Variants in AP3B1 observed in about 807,000 individuals in gnomAD.
AP3B1 encodes the protein AP-3 complex subunit beta-1.
A neutral mutation model predicts 132.5 loss-of-function variants in AP3B1; 61 were observed. That is an observed-to-expected ratio of 0.46 (90% CI 0.37 to 0.57). AP3B1 has a LOEUF of 0.57. Ranked by LOEUF, AP3B1 falls within the 20% of genes least tolerant of loss-of-function variation. AP3B1 has a pLI of 0.00. For missense variants in AP3B1, 1,120 were observed against 1,289.4 expected (o/e 0.87, Z 2.01); for synonymous variants, 388 against 438.3 (o/e 0.89, Z 1.43).
At chr5:78,246,734 G>A (rs142217928) in intron 2 of AP3B1, among the ~76,000 whole-genome samples, 2 of 152,112 alleles carry the variant, frequency 1.3e-5, no homozygotes, top group Admixed American at 6.5e-5. Flanking sequence ...TCTGTCTACA[G>A]GTTTATCAAT....
At chr5:78,186,746 A>C (rs1744622466) in intron 7 of AP3B1, among the ~76,000 whole-genome samples, 1 of 152,250 alleles carries the variant, frequency 6.6e-6, no homozygotes, top group South Asian at 2.1e-4. Flanking sequence ...ATTGTTATAC[A>C]TAACAATAAA....
At chr5:78,242,374 C>G (rs375198383) in intron 2 of AP3B1, among the ~76,000 whole-genome samples, 6 of 151,952 alleles carry the variant, frequency 3.9e-5, no homozygotes, top group East Asian at 3.9e-4. Flanking sequence ...TCTCCTAACA[C>G]CTGGGCCACT....
In AP3B1 at chr5:78,291,732, T is replaced by C. The variant is rs958221408; in HGVS notation, c.128+2720A>G. Among the ~76,000 whole-genome samples, 8 of 152,156 alleles carry C rather than the reference T, an allele frequency of 5.3e-5. No individual in the cohort carries two copies. The East Asian group carries it at 7.7e-4, about 15-fold the overall frequency. On this transcript the variant is annotated intron_variant, in intron 1 of 26. Coordinates refer to ENST00000255194, the MANE Select transcript of AP3B1 (RefSeq NM_003664.5). The stretch of plus-strand genomic sequence containing the variant: ...CAGATTAAAGAAGATTAAAGAGACA[T>C]GGCAACTAAATTAAATATATTATCT...
At position 78,141,303 on chromosome 5, in the gene AP3B1, G is replaced by C; in HGVS notation, c.1490C>G (p.Ala497Gly). The C allele has an allele frequency of 2.5e-6, 4 of 1,613,400 alleles. No individual in the cohort carries two copies. The highest frequency in any genetic ancestry group is 3.4e-6 in the Non-Finnish European group (4 of 1,179,594). ...LDSITVPVAR[A>G]SILWLIGENC... ...TTCTCCAATTAGCCAAAGAATACTTGCTCTAGCAACAGGAACCTAATATGA... is the reference window on the plus strand; with the variant it reads ...TTCTCCAATTAGCCAAAGAATACTTCCTCTAGCAACAGGAACCTAATATGA... The change falls in exon 15 of 27, where the codon GCA becomes GGA. Residue 497 changes from alanine (A) to glycine (G), a missense_variant. This residue lies in a region of AP3B1 where 906 missense variants were observed against 997.1 expected (regional missense o/e 0.91). Coordinates refer to ENST00000255194, the MANE Select transcript of AP3B1 (RefSeq NM_003664.5).
chr5:78,039,314 A>T (rs1747950564), intron 22 of AP3B1, 40 bp from the exon 23 acceptor site: 1 of 1,458,406 alleles, frequency 6.9e-7, no homozygotes, highest in Admixed American at 1.7e-5. Flanking sequence ...TGAGTTAGTG[A>T]ATATAATTAT....
At chr5:78,241,539 T>C (rs1747141338) in intron 2 of AP3B1, among the ~76,000 whole-genome samples, 1 of 152,220 alleles carries the variant, frequency 6.6e-6, no homozygotes, top group Admixed American at 6.5e-5. Flanking sequence ...AACCAACTAA[T>C]TATGTGAACC....
intron 7 of AP3B1, among the ~76,000 whole-genome samples, chr5:78,214,433 T>C (rs1210225057): frequency 1.3e-5 from 2 of 152,196 alleles, no homozygotes; most frequent in Admixed American, 6.5e-5. Flanking sequence ...ACGGGTTACA[T>C]ATTTTTAGCA....
chr5:78,058,903 G>A (rs1748928758), intron 22 of AP3B1, among the ~76,000 whole-genome samples: 1 of 152,202 alleles, frequency 6.6e-6, no homozygotes, highest in Admixed American at 6.5e-5. Flanking sequence ...AATTTGATAG[G>A]GTTGGGGTGA....
chr5:78,048,929 T>C (rs2112120311), intron 22 of AP3B1, among the ~76,000 whole-genome samples: 1 of 152,292 alleles, frequency 6.6e-6, no homozygotes, highest in South Asian at 2.1e-4. Context: ...CTTCCCCCAC[T>C]TTCTCTAAAG....
chr5:78,185,308 A>G (rs1744558100), intron 7 of AP3B1, among the ~76,000 whole-genome samples: 1 of 152,232 alleles, frequency 6.6e-6, no homozygotes, highest in Non-Finnish European at 1.5e-5. Context: ...ATATGAGTAC[A>G]TATAATAGTT....
Position 78,141,337 on chromosome 5 carries a change from T to C in AP3B1, c.1474-18A>G. The stretch of plus-strand genomic sequence containing the variant: ...ACAGGAACCTAATATGAGAAGCAGA[T>C]TACATAGTTAGAAGTAAGTTAATCA... On this transcript the variant is annotated intron_variant, in intron 14 of 26. Coordinates refer to ENST00000255194, the MANE Select transcript of AP3B1 (RefSeq NM_003664.5). 6.2e-7 allele frequency: 1 copy of C among 1,605,284 alleles called. No individual in the cohort carries two copies. Among genetic ancestry groups the C allele is most frequent in the Non-Finnish European group, 8.5e-7 (1 of 1,172,742 alleles).
At chr5:78,052,877 C>T (rs1026590111) in intron 22 of AP3B1, among the ~76,000 whole-genome samples, 2 of 152,166 alleles carry the variant, frequency 1.3e-5, no homozygotes, top group Admixed American at 6.5e-5. Flanking sequence ...ACTATTCATA[C>T]ATATGTTCTC....
chr5:78,085,389 A>T (rs760165600), intron 22 of AP3B1, among the ~76,000 whole-genome samples: 1 of 152,190 alleles, frequency 6.6e-6, no homozygotes, highest in African/African-American at 2.4e-5. Flanking sequence ...ACTTTTAAAA[A>T]TATTTTATTG....
chr5:78,083,353 A>G (rs1471989113), intron 22 of AP3B1, among the ~76,000 whole-genome samples: 3 of 152,206 alleles, frequency 2.0e-5, no homozygotes, highest in Admixed American at 1.3e-4. Context: ...CAAATATACA[A>G]AGTAATTTAA....
intron 7 of AP3B1, among the ~76,000 whole-genome samples, chr5:78,201,827 G>A (rs766734991): frequency 2.0e-5 from 3 of 152,140 alleles, no homozygotes; most frequent in East Asian, 1.9e-4. Context: ...AAAAAGAGAC[G>A]TTGTCCTCCT....
chr5:78,023,393 G>A (rs1561358894), intron 24 of AP3B1, among the ~76,000 whole-genome samples: 1 of 151,892 alleles, frequency 6.6e-6, no homozygotes, highest in Non-Finnish European at 1.5e-5. Flanking sequence ...AGTGAACTAT[G>A]ATCACGCTAC....
intron 22 of AP3B1, among the ~76,000 whole-genome samples, chr5:78,052,900 T>C (rs1308631291): frequency 2.6e-5 from 4 of 152,238 alleles, no homozygotes; most frequent in Admixed American, 6.5e-5. Context: ...ATTCTTTTTA[T>C]ATTTCTTTTC....
intron 1 of AP3B1, among the ~76,000 whole-genome samples, chr5:78,281,434 C>CA (rs36002317): frequency 0.072 from 4,836 of 67,442 alleles, 163 homozygotes; most frequent in Non-Finnish European, 0.083. Flanking sequence ...AACTCTGCCT[C>CA]AAAAAAAAAA....
chr5:78,181,710 T>C (rs762594274), intron 7 of AP3B1, 48 bp from the exon 8 acceptor site: 5 of 1,554,322 alleles, frequency 3.2e-6, no homozygotes, highest in Non-Finnish European at 4.4e-6. Context: ...CCTTGAGCAA[T>C]CTGCATATTA....
Sources: allele counts gnomAD v4.1 joint callset (sites outside exome capture counted in the v4.1 genomes callset), GRCh38; gene constraint gnomAD v4.1.1; regional missense constraint gnomAD v4.1.1; transcripts MANE v1.5; gene names NCBI Gene and HGNC (gene_info 2026-07-23, HGNC 2026-07-21).